Variants in MIB2 observed in about 807,000 individuals in gnomAD.
MIB2 encodes E3 ubiquitin-protein ligase MIB2.
Under a neutral mutation model 96.6 loss-of-function variants are expected in MIB2, and 78 were observed. The observed-to-expected ratio is 0.81, with a 90% confidence interval of 0.67 to 0.97. The LOEUF is 0.97. Among genes scored for constraint, MIB2 ranks in the 50% least tolerant of loss-of-function variants. The pLI is 0.00. For missense variants in MIB2, 1,543 were observed against 1,424.0 expected (o/e 1.08, Z -1.35); for synonymous variants, 820 against 629.5 (o/e 1.30, Z -4.53).
intron 2 of MIB2, among the ~76,000 whole-genome samples, chr1:1,620,216 G>T (rs1569647282): frequency 1.3e-5 from 2 of 152,386 alleles, no homozygotes; most frequent in East Asian, 3.9e-4. Flanking sequence ...GCTGGCCTGG[G>T]CTAAGCTGGC....
intron 2 of MIB2, 140 bp downstream of exon 2, chr1:1,616,754 C>T (rs906687654): frequency 7.6e-6 from 5 of 654,952 alleles, no homozygotes; most frequent in Non-Finnish European, 1.3e-5. Context: ...AATCCCGCGT[C>T]TCCTCTCTGA....
upstream of MIB2, chr1:1,615,382 A>G (rs1643490861): frequency 4.1e-5 from 59 of 1,430,236 alleles, no homozygotes; most frequent in Non-Finnish European, 5.3e-5. Context: ...TGCGCCACGC[A>G]GGGTAGGCGA....
rs748629484 is a variant in MIB2, at chr1:1,626,963, A to T, written c.1204A>T (p.Asn402Tyr). 1 of 1,611,680 alleles carries T rather than the reference A, an allele frequency of 6.2e-7. No individual in the cohort carries two copies. Among genetic ancestry groups the T allele is most frequent in the Admixed American group, 1.7e-5 (1 of 59,942 alleles). ...GGCCTACCGGCCCGAGGAGGATGCC[A>T]ACCTGGACGTGGCCGAGCGCGCCCG... ...LVAYRPEEDA[N>Y]LDVAERAREN... The change falls in exon 10 of 20, where the codon AAC (asparagine) becomes TAC (tyrosine). Residue 402 changes from asparagine to tyrosine, a missense_variant. Transcript: ENST00000355826. The surrounding 1 kb of genome is among the most constrained non-coding windows in gnomAD (Gnocchi z 5.3).
At chr1:1,615,253 T>TGCCGCCAGTGCCAGCGAGC, upstream of MIB2, 1 of 1,053,414 alleles carries the variant, frequency 9.5e-7, no homozygotes, top group Non-Finnish European at 1.3e-6. Context: ...GCGCGGCAAG[T>TGCCGCCAGTGCCAGCGAGC]GCCGCCAGTG....
rs769058009 is a variant in MIB2 at position 1,630,446 on chromosome 1, C to T, written c.2784C>T (p.Gly928=). 6.3e-7 allele frequency: 1 copy of T among 1,591,060 alleles called. No individual in the cohort carries two copies. The highest frequency in any genetic ancestry group is 8.5e-7 in the Non-Finnish European group (1 of 1,171,528). ...GCCTCGTGTTCCAGTGCGGCCACGG[C>T]GCATGCGCCCCCTGCGGCTCCGCGC... ...HIRLVFQCGH[G]ACAPCGSALS... Residue 928 remains glycine (G), a synonymous_variant, in exon 20 of 20, where the codon GGC becomes GGT. Coordinates refer to ENST00000355826, the MANE Select transcript of MIB2 (RefSeq NM_001170687.4).
Position 1,626,616 on chromosome 1 carries a change from T to TG in MIB2, c.973-28dup. On this transcript the variant is annotated intron_variant, in intron 8 of 19. Transcript: ENST00000355826. The surrounding 1 kb of genome is among the most constrained non-coding windows in gnomAD (Gnocchi z 5.3). The stretch of plus-strand genomic sequence containing the variant: ...ATGAGCCTGGGCAGCCACACACAGC[T>TG]GGGGGGCCCCTCACGCCCCTCTTTG... The TG allele has an allele frequency of 6.7e-7, 1 of 1,497,216 alleles. No homozygotes were observed. Among genetic ancestry groups the TG allele is most frequent in the East Asian group, 2.4e-5 (1 of 42,252 alleles). The allele number at this position is 1,497,216 out of a possible 1,614,324, so 92.7% of individuals were successfully genotyped here.
rs1569748880 is a variant in MIB2 at position 1,623,933 on chromosome 1, C to T, written c.407C>T (p.Ala136Val). The T allele has an allele frequency of 1.2e-6, 2 of 1,607,470 alleles. No homozygotes were observed. Among genetic ancestry groups the T allele is most frequent in the South Asian group, 2.2e-5 (2 of 90,808 alleles). ...CACGCCTTCGACCGCTACGAGACCGCTCACTCGCGCCCGTGAGTCCCGGGC... is the reference window on the plus strand; with the variant it reads ...CACGCCTTCGACCGCTACGAGACCGTTCACTCGCGCCCGTGAGTCCCGGGC... ...LAHAFDRYET[A>V]HSRPVTLSPR... Residue 136 changes from alanine to valine, a missense_variant, in exon 4 of 20, where the codon GCT becomes GTT. By Grantham distance (64) the Ala-to-Val change is moderately conservative. Coordinates refer to ENST00000355826, the MANE Select transcript of MIB2 (RefSeq NM_001170687.4).
chr1:1,625,933 C>T lies in MIB2; in HGVS notation c.972+280C>T, dbSNP rs781707695. ...GGACACCAGGAAGGCAGGACAGCTT[C>T]GTGGGCGGGAGGGAGGCGGCTGGGC... On this transcript the variant is annotated intron_variant, in intron 8 of 19. Transcript: ENST00000355826. The surrounding 1 kb of genome is among the most constrained non-coding windows in gnomAD (Gnocchi z 5.0). The T allele has an allele frequency of 1.2e-4, 62 of 504,046 alleles. No homozygotes were observed. Among genetic ancestry groups the T allele is most frequent in the Non-Finnish European group, 1.7e-4 (48 of 281,488 alleles). 31.2% of individuals were successfully genotyped at this position (504,046 alleles called of 1,614,324 possible). A position where few individuals can be genotyped will look rare whatever the true frequency, so the allele number is the denominator to read the frequency against.
intron 4 of MIB2, 60 bp downstream of exon 4, chr1:1,624,005 C>T: frequency 6.5e-7 from 1 of 1,537,354 alleles, no homozygotes; most frequent in Non-Finnish European, 8.8e-7. Context: ...CCACTGGGGC[C>T]TTGGCCTTCG....
Position 1,628,074 on chromosome 1 carries a change from G to C in MIB2, c.1736G>C (p.Ser579Thr), listed in dbSNP as rs1644980917. 1 of 1,613,108 alleles carries C rather than the reference G, an allele frequency of 6.2e-7. No homozygotes were observed. Among genetic ancestry groups the C allele is most frequent in the African/African-American group, 1.3e-5 (1 of 74,936 alleles). The change falls in exon 14 of 20, where the codon AGC (serine) becomes ACC (threonine). Residue 579 changes from serine to threonine, a missense_variant. By Grantham distance (58) the Ser-to-Thr change is moderately conservative. Transcript: ENST00000355826. The part of the protein sequence containing the change: ...HSAISAGTGA[S>T]GIVEVLTEVP... ...GCCATCTCGGCGGGCACTGGAGCCA[G>C]CGGCATTGTCGAGGTCCTCACGGAG...
At position 1,625,601 on chromosome 1, in the gene MIB2, T is replaced by G. The variant is rs1417310453; in HGVS notation, c.920T>G (p.Val307Gly). ...HRITDRGDVR[V>G]QFNHETRWTF... ...ATCACGGACCGCGGGGACGTGCGCG[T>G]GCAGTTCAACCACGAGACGCGCTGG... Residue 307 changes from valine (V) to glycine (G), a missense_variant, in exon 8 of 20, where the codon GTG (valine) becomes GGG (glycine). Val to Gly is a moderately radical substitution (Grantham distance 109, BLOSUM62 -3). Coordinates refer to ENST00000355826, the MANE Select transcript of MIB2 (RefSeq NM_001170687.4). The surrounding 1 kb of genome is among the most constrained non-coding windows in gnomAD (Gnocchi z 5.0). The G allele has an allele frequency of 1.3e-6, 2 of 1,581,826 alleles. No homozygotes were observed. The highest frequency in any genetic ancestry group is 2.3e-5 in the East Asian group (1 of 43,086).
rs1310720607 is a variant in MIB2, at chr1:1,629,557, G to C, written c.2554G>C (p.Val852Leu). 5 of 1,551,480 alleles carry C rather than the reference G, an allele frequency of 3.2e-6. No individual in the cohort carries two copies. The highest frequency in any genetic ancestry group is 4.3e-6 in the Non-Finnish European group (5 of 1,150,496). The change falls in exon 18 of 20, where the codon GTG becomes CTG. Residue 852 changes from valine (V) to leucine (L), a missense_variant. Physicochemically the swap from Val to Leu is conservative, Grantham distance 32 (BLOSUM62 1). Transcript: ENST00000355826. ...GTTCTCGCCGTGCCAGCACCGCACC[G>C]TGTGTGAGGGTGAGTGGGGGGCCCC... ...VLFSPCQHRT[V>L]CEECARRMKK...
rs1464409410 is a variant in MIB2, at chr1:1,627,170, C to T, written c.1337C>T (p.Ala446Val). Reference sequence around the variant, plus strand: ...GTGGAGGTGGCGCTGGGTAACGCAGCCCGGGCTCTGGACCTGCTGCGGAGG... The same window carrying T: ...GTGGAGGTGGCGCTGGGTAACGCAGTCCGGGCTCTGGACCTGCTGCGGAGG... ...LVVEVALGNAARALDLLRRRP... is the reference protein window; with the variant it reads ...LVVEVALGNAVRALDLLRRRP... Residue 446 changes from alanine to valine, a missense_variant, in exon 11 of 20, where the codon GCC becomes GTC. Coordinates refer to ENST00000355826, the MANE Select transcript of MIB2 (RefSeq NM_001170687.4). 1 of 1,591,328 alleles carries T rather than the reference C, an allele frequency of 6.3e-7. No individual in the cohort carries two copies. The highest frequency in any genetic ancestry group is 1.1e-5 in the South Asian group (1 of 88,880).
In MIB2 at chr1:1,629,634, C is replaced by T. The variant is rs760343328; in HGVS notation, c.2564-5C>T. On this transcript the variant is annotated splice_polypyrimidine_tract_variant and splice_region_variant and intron_variant, in intron 18 of 19. Transcript: ENST00000355826. ...CCGCAGCCAACCGCGCTCTCCTCTT[C>T]GCAGAGTGCGCGCGCAGGATGAAGA... 3.3e-5 allele frequency: 53 copies of T among 1,588,142 alleles called. No individual in the cohort carries two copies. Among genetic ancestry groups the T allele is most frequent in the South Asian group, 3.2e-4 (28 of 87,794 alleles).
chr1:1,615,666 C>T (rs777291753), intron 1 of MIB2, 33 bp downstream of exon 1: 8 of 1,551,394 alleles, frequency 5.2e-6, no homozygotes, highest in Non-Finnish European at 6.9e-6. Context: ...TCCCCTGGTC[C>T]TCCGCACCGT....
intron 11 of MIB2, 32 bp downstream of exon 11, chr1:1,627,239 C>T: frequency 6.2e-7 from 1 of 1,612,236 alleles, no homozygotes; most frequent in African/African-American, 1.3e-5. Flanking sequence ...CCCATACTGG[C>T]CAGTCTGAGA....
At chr1:1,615,846 C>G in intron 1 of MIB2, 2 of 1,225,164 alleles carry the variant, frequency 1.6e-6, no homozygotes, top group Non-Finnish European at 2.0e-6. Flanking sequence ...GCCACCCGCG[C>G]GGGACTCCAG....
rs561970872 is a variant in MIB2, at chr1:1,629,515, C to T, written c.2512C>T (p.Leu838=). Residue 838 remains leucine, a synonymous_variant, in exon 18 of 20, where the codon CTG becomes TTG. Transcript: ENST00000355826. The part of the protein sequence containing the change: ...EAAECLVCSE[L]ALLVLFSPCQ... Reference sequence around the variant, plus strand: ...CGCTGAGTGCCTGGTGTGCTCCGAGCTGGCGCTGCTGGTGCTGTTCTCGCC... The same window carrying T: ...CGCTGAGTGCCTGGTGTGCTCCGAGTTGGCGCTGCTGGTGCTGTTCTCGCC... 2.0e-6 allele frequency: 3 copies of T among 1,538,370 alleles called. No homozygotes were observed. Among genetic ancestry groups the T allele is most frequent in the South Asian group, 2.4e-5 (2 of 83,874 alleles).
In MIB2 at chr1:1,624,978, C is replaced by T. The variant is rs775579602; in HGVS notation, c.527-13C>T. ...GCTCAGCCTTAGCCTGCTGGGGGGG[C>T]CTCTTTCCCCAGGAGGGGAAGGGAA... is the stretch of plus-strand genomic sequence containing the variant. On this transcript the variant is annotated splice_polypyrimidine_tract_variant and intron_variant, in intron 5 of 19. Transcript: ENST00000355826. The T allele has an allele frequency of 4.4e-6, 7 of 1,608,316 alleles. No homozygotes were observed. The highest frequency in any genetic ancestry group is 2.2e-5 in the East Asian group (1 of 44,778).
Sources: allele counts gnomAD v4.1 joint callset (sites outside exome capture counted in the v4.1 genomes callset), GRCh38; gene constraint gnomAD v4.1.1; non-coding constraint Gnocchi (gnomAD v3.1); transcripts MANE v1.5; gene names NCBI Gene and HGNC (gene_info 2026-07-23, HGNC 2026-07-21).